The following LGALS12 variants were observed in gnomAD, a reference collection of about 807,000 sequenced individuals.
The protein encoded by LGALS12 is galectin-12.
Under a neutral mutation model 36.8 loss-of-function variants are expected in LGALS12, and 36 were observed. That is an observed-to-expected ratio of 0.98 (90% CI 0.75 to 1.29). The LOEUF is 1.29. Ranked by LOEUF, LGALS12 falls within the 50% of genes most tolerant of loss-of-function variation. The pLI, the probability that LGALS12 is intolerant of heterozygous loss-of-function variation, is 0.00. For synonymous variants in LGALS12, 145 were observed against 155.9 expected, an observed-to-expected ratio of 0.93 and a Z score of 0.52; for missense variants, 366 against 394.3, an observed-to-expected ratio of 0.93 and a Z score of 0.61.
At position 63,515,680 on chromosome 11, in the gene LGALS12, C is replaced by A. The variant is rs139417657; in HGVS notation, c.765C>A (p.Ala255=). The part of the protein sequence containing the change: ...SRWGQKKLIS[A]PFLFYPQRFF... ...GGGGGCAGAAGAAACTGATCTCAGC[C>A]CCCTTCCTCTTTTACCCCCAGAGAT... The change falls in exon 8 of 9, where the codon GCC becomes GCA. Residue 255 remains alanine, a synonymous_variant. Transcript: ENST00000394618. 1.4e-4 allele frequency: 228 copies of A among 1,614,196 alleles called. 1 individual carries two copies. The African/African-American group carries it at 2.6e-3, about 18-fold the overall frequency.
intron 7 of LGALS12, among the ~76,000 whole-genome samples, chr11:63,515,271 A>G (rs1266658353): frequency 6.6e-6 from 1 of 152,242 alleles, no homozygotes; most frequent in Non-Finnish European, 1.5e-5. Context: ...CAGGAGGAGA[A>G]ACTGAAGCTC....
At position 63,506,244 on chromosome 11, in the gene LGALS12, TACCACC is replaced by T; in HGVS notation, c.-214_-209del. 1 of 784,178 alleles carries T rather than the reference TACCACC, an allele frequency of 1.3e-6. No homozygotes were observed. The highest frequency in any genetic ancestry group is 2.0e-6 in the Non-Finnish European group (1 of 498,266). The allele number at this position is 784,178 out of a possible 1,614,324, so 48.6% of individuals were successfully genotyped here. On this transcript the variant is annotated 5_prime_UTR_variant, in exon 1 of 9. It adds an upstream start codon to the 5' untranslated region. Transcript: ENST00000394618. ...CCCGCCCAGCCAGAGCTCTGCTGTATACCACCGGGAGTGGGGCTGGTGTGGAGCCTG... is the reference window on the plus strand; with the variant it reads ...CCCGCCCAGCCAGAGCTCTGCTGTATGGGAGTGGGGCTGGTGTGGAGCCTG...
Position 63,516,297 on chromosome 11 carries a change from G to A in LGALS12, c.849G>A (p.Gln283=), listed in dbSNP as rs757189550. ...GGCTGAAGCTGGCGCTCAATGGGCA[G>A]GGGCTGGGGGCCACCAGCATGAACC... ...EGGLKLALNG[Q]GLGATSMNQQ... is the part of the protein sequence containing the mutation. Residue 283 remains glutamine, a synonymous_variant, in exon 9 of 9, where the codon CAG becomes CAA. Transcript: ENST00000394618. The A allele has an allele frequency of 1.9e-6, 3 of 1,609,484 alleles. No individual in the cohort carries two copies. The highest frequency in any genetic ancestry group is 2.5e-6 in the Non-Finnish European group (3 of 1,178,052).
chr11:63,515,350 A>G (rs1359137469), intron 7 of LGALS12, among the ~76,000 whole-genome samples: 3 of 152,180 alleles, frequency 2.0e-5, no homozygotes, highest in Non-Finnish European at 4.4e-5. Context: ...GCAACCCTGG[A>G]GGTCAATCTC....
At position 63,515,502 on chromosome 11, in the gene LGALS12, C is replaced by T. The variant is rs1192823413; in HGVS notation, c.648-61C>T. The stretch of plus-strand genomic sequence containing the variant: ...CTGACCTCCATCCTTCCCCTGGGGG[C>T]TGAGCAGCGGCCTATGGGCAATGGG... On this transcript the variant is annotated intron_variant, in intron 7 of 8. Coordinates refer to ENST00000394618, the MANE Select transcript of LGALS12 (RefSeq NM_033101.4). 4.8e-5 allele frequency: 76 copies of T among 1,586,858 alleles called. 2 individuals carry two copies. In the East Asian group the frequency reaches 1.7e-3, roughly 35 times the overall value.
chr11:63,512,091 C>T (rs1013619842), intron 7 of LGALS12, among the ~76,000 whole-genome samples: 3 of 152,234 alleles, frequency 2.0e-5, no homozygotes, highest in Admixed American at 1.3e-4. Flanking sequence ...GGCCTAGCCT[C>T]TTGTCCCAGG....
At chr11:63,509,733 A>G (rs199719234) in intron 3 of LGALS12, 45 bp from the exon 4 acceptor site, 9 of 1,608,384 alleles carry the variant, frequency 5.6e-6, no homozygotes, top group East Asian at 2.2e-5. Flanking sequence ...TATGAACTCA[A>G]TGAACATTAG....
intron 6 of LGALS12, 68 bp from the exon 7 acceptor site, chr11:63,511,684 C>T: frequency 8.5e-7 from 1 of 1,170,242 alleles, no homozygotes; most frequent in Non-Finnish European, 1.3e-6. Flanking sequence ...CCCCTGGCCC[C>T]CGGGGATGGG....
Position 63,516,420 on chromosome 11 carries a change from A to G in LGALS12, c.*27A>G, listed in dbSNP as rs755839472. 2.5e-6 allele frequency: 4 copies of G among 1,613,264 alleles called. No individual in the cohort carries two copies. The highest frequency in any genetic ancestry group is 3.4e-6 in the Non-Finnish European group (4 of 1,179,944). On this transcript the variant is annotated 3_prime_UTR_variant, in exon 9 of 9. Coordinates refer to ENST00000394618, the MANE Select transcript of LGALS12 (RefSeq NM_033101.4). ...GATGGTTCCAGGGAAATACCGCCAG[A>G]AAACAAGAAGGTCAGCCCACTCCCA...
In LGALS12 at chr11:63,508,585, C is replaced by T. The variant is rs528636833; in HGVS notation, c.102C>T (p.Gly34=). 4 of 1,614,128 alleles carry T rather than the reference C, an allele frequency of 2.5e-6. No homozygotes were observed. The highest frequency in any genetic ancestry group is 1.7e-5 in the Admixed American group (1 of 60,032). Residue 34 remains glycine, a synonymous_variant, in exon 2 of 9, where the codon GGC becomes GGT. Coordinates refer to ENST00000394618, the MANE Select transcript of LGALS12 (RefSeq NM_033101.4). ...VVPYVTTIFG[G]LHAGKMVMLQ... The stretch of plus-strand genomic sequence containing the variant: ...CTTATGTCACGACGATTTTTGGAGG[C>T]CTGCATGCAGGCAAGATGGTCATGC...
intron 7 of LGALS12, 43 bp from the exon 8 acceptor site, chr11:63,515,520 G>C: frequency 6.2e-7 from 1 of 1,607,350 alleles, no homozygotes; most frequent in Non-Finnish European, 8.5e-7. Flanking sequence ...CGGCCTATGG[G>C]CAATGGGCGC....
intron 7 of LGALS12, among the ~76,000 whole-genome samples, chr11:63,513,716 C>T (rs1373939781): frequency 5.9e-5 from 9 of 152,166 alleles, no homozygotes; most frequent in Non-Finnish European, 7.3e-5. Flanking sequence ...ATGGAGGGCA[C>T]AGGATTCATC....
At position 63,509,897 on chromosome 11, in the gene LGALS12, T is replaced by C. The variant is rs891076545; in HGVS notation, c.492T>C (p.Asn164=). The C allele has an allele frequency of 2.5e-6, 4 of 1,613,782 alleles. No homozygotes were observed. Among genetic ancestry groups the C allele is most frequent in the African/African-American group, 2.7e-5 (2 of 75,008 alleles). ...LVEAVGFLNI[N]PFVEGSREYP... is the part of the protein sequence containing the mutation. ...AGGCTGTTGGATTCCTGAACATCAA[T>C]GTAAGTTTCCTTGGGACCAAGGCCT... is the stretch of plus-strand genomic sequence containing the variant. The change falls in exon 4 of 9, where the codon AAT becomes AAC. Residue 164 remains asparagine (N), a splice_region_variant and synonymous_variant. Coordinates refer to ENST00000394618, the MANE Select transcript of LGALS12 (RefSeq NM_033101.4).
rs996673688 is a variant in LGALS12 at position 63,509,989 on chromosome 11, A to C, written c.492+92A>C. 13 of 1,448,214 alleles carry C rather than the reference A, an allele frequency of 9.0e-6. No homozygotes were observed. In the East Asian group the frequency reaches 3.1e-4, roughly 35 times the overall value. The allele number at this position is 1,448,214 out of a possible 1,614,324, so 89.7% of individuals were successfully genotyped here. A position where few individuals can be genotyped will look rare whatever the true frequency, so the allele number is the denominator to read the frequency against. Reference sequence around the variant, plus strand: ...CCTGGGACCCCTTCCTCCACCCTAGACTGAGAGAGAGGACGCCCTGTGCAC... The same window carrying C: ...CCTGGGACCCCTTCCTCCACCCTAGCCTGAGAGAGAGGACGCCCTGTGCAC... On this transcript the variant is annotated intron_variant, in intron 4 of 8. Coordinates refer to ENST00000394618, the MANE Select transcript of LGALS12 (RefSeq NM_033101.4).
In LGALS12 at chr11:63,515,582, G is replaced by A. The variant is rs775078452; in HGVS notation, c.667G>A (p.Asp223Asn). 12 of 1,614,036 alleles carry A rather than the reference G, an allele frequency of 7.4e-6. No homozygotes were observed. The highest frequency in any genetic ancestry group is 1.0e-5 in the Non-Finnish European group (12 of 1,180,012). ...CTGCAGTTTTACTGTGAGCCTGAGGGACCAGGCTGCCCATGCTCCTGTGAC... is the reference window on the plus strand; with the variant it reads ...CTGCAGTTTTACTGTGAGCCTGAGGAACCAGGCTGCCCATGCTCCTGTGAC... The part of the protein sequence containing the change: ...EPKHFTVSLR[D>N]QAAHAPVTLR... The change falls in exon 8 of 9, where the codon GAC becomes AAC. Residue 223 changes from aspartate (D) to asparagine (N), a missense_variant. Asp to Asn is a conservative substitution (Grantham distance 23). Coordinates refer to ENST00000394618, the MANE Select transcript of LGALS12 (RefSeq NM_033101.4).
At chr11:63,508,024 C>T (rs1448528928) in intron 1 of LGALS12, 27 of 993,158 alleles carry the variant, frequency 2.7e-5, no homozygotes, top group Non-Finnish European at 3.2e-5. Context: ...CAGGCATGAG[C>T]CACAGAGCCC....
Position 63,506,334 on chromosome 11 carries a change from C to A in LGALS12, c.-125C>A. 6.2e-7 allele frequency: 1 copy of A among 1,606,574 alleles called. No homozygotes were observed. The highest frequency in any genetic ancestry group is 8.5e-7 in the Non-Finnish European group (1 of 1,175,436). ...GACAGCATTAAAACGCTGCAGGTCGCAGGTGAGACTAACAGCTGGGAGAGC... is the reference window on the plus strand; with the variant it reads ...GACAGCATTAAAACGCTGCAGGTCGAAGGTGAGACTAACAGCTGGGAGAGC... On this transcript the variant is annotated 5_prime_UTR_variant, in exon 1 of 9. Transcript: ENST00000394618.
Position 63,513,513 on chromosome 11 carries a change from A to C in LGALS12, c.647+1673A>C, listed in dbSNP as rs2016987762. On this transcript the variant is annotated intron_variant, in intron 7 of 8. Transcript: ENST00000394618. ...AGCCATCTTTTATATAAACTCTCTC[A>C]ATTTTTGAATATTATATTAAAGTTG... 1.3e-5 allele frequency among the ~76,000 whole-genome samples: 2 copies of C among 152,162 alleles called. 1 individual carries two copies. The highest frequency in any genetic ancestry group is 4.1e-4 in the South Asian group (2 of 4,824).
rs769636645 is a variant in LGALS12, at chr11:63,509,759, C to A, written c.373-19C>A. 2 of 1,612,816 alleles carry A rather than the reference C, an allele frequency of 1.2e-6. 1 individual carries two copies. The highest frequency in any genetic ancestry group is 2.2e-5 in the South Asian group (2 of 90,828). On this transcript the variant is annotated intron_variant, in intron 3 of 8. Coordinates refer to ENST00000394618, the MANE Select transcript of LGALS12 (RefSeq NM_033101.4). ...TGAACATTAGCTGCTGATAAGCCAG[C>A]CTCTGTCTGTCTCTCCAGGTGAGTG...
Sources: gnomAD v4.1 joint callset for allele counts (sites outside exome capture counted in the v4.1 genomes callset) on GRCh38, gnomAD v4.1.1 for gene constraint, MANE v1.5 for transcripts, NCBI Gene and HGNC (gene_info 2026-07-23, HGNC 2026-07-21) for gene names.